ALDH4A1: variants seen among roughly 807,000 people sequenced by gnomAD.
The protein encoded by ALDH4A1 is aldehyde dehydrogenase 4 family member A1.
ALDH4A1 carries 46 observed loss-of-function variants against 70.5 expected under a neutral mutation model. That is an observed-to-expected ratio of 0.65 (90% CI 0.51 to 0.83). The LOEUF (loss-of-function observed/expected upper bound fraction) is 0.83. Among genes scored for constraint, ALDH4A1 ranks in the 40% least tolerant of loss-of-function variants. ALDH4A1 has a pLI of 0.00. For synonymous variants in ALDH4A1, 323 were observed against 324.3 expected (o/e 1.00, Z 0.04); for missense variants, 749 against 766.5 (o/e 0.98, Z 0.27).
chr1:18,881,258 C>T (rs1557615776), intron 8 of ALDH4A1, among the ~76,000 whole-genome samples: 2 of 152,162 alleles, frequency 1.3e-5, no homozygotes, highest in African/African-American at 4.8e-5. Flanking sequence ...GCTATTCCCT[C>T]TCCCAACATA....
At chr1:18,889,623 C>T (rs978560308) in intron 2 of ALDH4A1, among the ~76,000 whole-genome samples, 169 bp from the exon 3 acceptor site, 1 of 152,168 alleles carries the variant, frequency 6.6e-6, no homozygotes, top group Non-Finnish European at 1.5e-5. Flanking sequence ...CGGGGACAGC[C>T]GGACTCTGCT....
intron 1 of ALDH4A1, among the ~76,000 whole-genome samples, chr1:18,901,294 T>C (rs1490920040): frequency 1.3e-5 from 2 of 152,172 alleles, no homozygotes; most frequent in Non-Finnish European, 2.9e-5. Flanking sequence ...CACAGCAGTG[T>C]TGCAACTCAC....
chr1:18,874,102 G>A (rs948462765), intron 14 of ALDH4A1, among the ~76,000 whole-genome samples: 11 of 152,188 alleles, frequency 7.2e-5, no homozygotes, highest in African/African-American at 2.2e-4. Context: ...TGCCACTCAG[G>A]AGCAGTCACC....
chr1:18,892,249 C>T (rs1935462261), intron 1 of ALDH4A1, among the ~76,000 whole-genome samples: 1 of 152,036 alleles, frequency 6.6e-6, no homozygotes, highest in Admixed American at 6.5e-5. Context: ...TGTGGCCAGG[C>T]CCTGTGTTCA....
intron 1 of ALDH4A1, among the ~76,000 whole-genome samples, chr1:18,892,672 C>T (rs990203810): frequency 1.3e-5 from 2 of 151,640 alleles, no homozygotes; most frequent in Non-Finnish European, 1.5e-5. Context: ...CACTCCCCTC[C>T]CCTCCCCACC....
chr1:18,901,444 G>T (rs1376599853), intron 1 of ALDH4A1, among the ~76,000 whole-genome samples: 1 of 152,142 alleles, frequency 6.6e-6, no homozygotes, highest in Non-Finnish European at 1.5e-5. Context: ...AAATGGGAGG[G>T]GGGGCTGATC....
Position 18,881,886 on chromosome 1 carries a change from C to T in ALDH4A1, c.680G>A (p.Gly227Asp). 6.2e-7 allele frequency: 1 copy of T among 1,613,086 alleles called. No homozygotes were observed. Among genetic ancestry groups the T allele is most frequent in the Non-Finnish European group, 8.5e-7 (1 of 1,179,958 alleles). ...ACTGGGCTTCCATAGGACCACGTTGCCCTGCCCGGGAGGTGTTTCAGTGAT... is the reference window on the plus strand; with the variant it reads ...ACTGGGCTTCCATAGGACCACGTTGTCCTGCCCGGGAGGTGTTTCAGTGAT... ...GNLAGAPALM[G>D]NVVLWKPSDT... The change falls in exon 8 of 15, where the codon GGC becomes GAC. Residue 227 changes from glycine to aspartate, a missense_variant and splice_region_variant. Gly to Asp is a moderately conservative substitution (Grantham distance 94). Coordinates refer to ENST00000375341, the MANE Select transcript of ALDH4A1 (RefSeq NM_003748.4).
intron 1 of ALDH4A1, among the ~76,000 whole-genome samples, chr1:18,902,248 G>A (rs1199428646): frequency 6.6e-6 from 1 of 152,168 alleles, no homozygotes; most frequent in Non-Finnish European, 1.5e-5. Flanking sequence ...CCTCGCTAAA[G>A]GAAGGTGACT....
chr1:18,882,227 C>T (rs74774708), intron 7 of ALDH4A1, among the ~76,000 whole-genome samples: 2,525 of 152,292 alleles, frequency 0.017, 80 homozygotes, highest in African/African-American at 0.056. Context: ...CAAGTACACA[C>T]GGGCTCTCTC....
chr1:18,879,161 C>T, intron 9 of ALDH4A1, 139 bp downstream of exon 9: 1 of 804,518 alleles, frequency 1.2e-6, no homozygotes, highest in Non-Finnish European at 2.1e-6. Context: ...ACAAAAAGTT[C>T]TACTGGGCAG....
chr1:18,881,434 G>A (rs1202402718), intron 8 of ALDH4A1, among the ~76,000 whole-genome samples: 4 of 152,258 alleles, frequency 2.6e-5, no homozygotes, highest in East Asian at 1.9e-4. Context: ...GCTGTAGGGT[G>A]CACTTCCAGT....
chr1:18,877,333 GC>G lies in ALDH4A1; in HGVS notation c.1138-79del, dbSNP rs1336269729. On this transcript the variant is annotated intron_variant, in intron 10 of 14. Transcript: ENST00000375341. The stretch of plus-strand genomic sequence containing the variant: ...GGGAGACCCCTCCCCGCACACCCCA[GC>G]CCCGGCTGCAGAGGAGCCTCCCAGG... 11 of 1,555,384 alleles carry G rather than the reference GC, an allele frequency of 7.1e-6. No individual in the cohort carries two copies. In the African/African-American group the frequency reaches 9.6e-5, roughly 14 times the overall value.
intron 7 of ALDH4A1, among the ~76,000 whole-genome samples, chr1:18,882,889 T>C (rs1274220878): frequency 2.6e-5 from 4 of 152,232 alleles, no homozygotes; most frequent in Admixed American, 1.3e-4. Flanking sequence ...ATGAGGAAAC[T>C]GTGCCTCAGA....
rs367612554 is a variant in ALDH4A1 at position 18,874,452 on chromosome 1, G to A, written c.1579+11C>T. On this transcript the variant is annotated intron_variant, in intron 14 of 14. Transcript: ENST00000375341. ...AACTCAGCTCCCCTGTGGGAAGGGG[G>A]ACCCACTCACCAGAGGCTCGGGCCC... 3.7e-5 allele frequency: 59 copies of A among 1,612,622 alleles called. No individual in the cohort carries two copies. In the African/African-American group the frequency reaches 7.3e-4, roughly 20 times the overall value.
chr1:18,902,535 A>G lies in ALDH4A1; in HGVS notation c.-12T>C, dbSNP rs1935838720. 7 of 1,486,602 alleles carry G rather than the reference A, an allele frequency of 4.7e-6. No individual in the cohort carries two copies. The highest frequency in any genetic ancestry group is 6.3e-6 in the Non-Finnish European group (7 of 1,119,042). 92.1% of individuals were successfully genotyped at this position (1,486,602 alleles called of 1,614,324 possible). A position where few individuals can be genotyped will look rare whatever the true frequency, so the allele number is the denominator to read the frequency against. ...GCCGGCAGCAGCATCTCGGGTTAGA[A>G]GCGGGGCTGTTCGCTGGATCGTCCG... On this transcript the variant is annotated 5_prime_UTR_variant, in exon 1 of 15. Transcript: ENST00000375341.
rs201961228 is a variant in ALDH4A1, at chr1:18,874,607, A to C, written c.1461-26T>G. 268 of 1,610,364 alleles carry C rather than the reference A, an allele frequency of 1.7e-4. 1 individual carries two copies. The highest frequency in any genetic ancestry group is 2.0e-4 in the Non-Finnish European group (237 of 1,176,742). On this transcript the variant is annotated intron_variant, in intron 13 of 14. Transcript: ENST00000375341. Reference sequence around the variant, plus strand: ...CTACAAAGCAGAGCAGTGGTGACAGAGCAACCAGCTCATCTCCCCTCCAGC... The same window carrying C: ...CTACAAAGCAGAGCAGTGGTGACAGCGCAACCAGCTCATCTCCCCTCCAGC...
Position 18,890,203 on chromosome 1 carries a change from C to T in ALDH4A1, c.63-98G>A, listed in dbSNP as rs577462693. On this transcript the variant is annotated intron_variant, in intron 1 of 14. Transcript: ENST00000375341. ...CCTCCGACAGGGGGTCCTAGGTGGG[C>T]ACCCAGAGCCTGAAATCCAATGCAA... 669 of 1,007,522 alleles carry T rather than the reference C, an allele frequency of 6.6e-4. 4 individuals carry two copies. In the African/African-American group the frequency reaches 9.8e-3, roughly 15 times the overall value. 62.4% of individuals were successfully genotyped at this position (1,007,522 alleles called of 1,614,324 possible).
In ALDH4A1 at chr1:18,877,248, T is replaced by C; in HGVS notation, c.1145A>G (p.Glu382Gly). Residue 382 changes from glutamate to glycine, a missense_variant, in exon 11 of 15, where the codon GAG becomes GGG. By Grantham distance (98) the Glu-to-Gly change is moderately conservative (BLOSUM62 -2). Transcript: ENST00000375341. ...TGCAGAGAAGAAGGTCCCAAAATCC[T>C]CTGCAGGCTGGAGGCAAGGGAGGCG... Reference protein sequence around the residue: ...HSRIKVGDPAEDFGTFFSAVI... With the variant: ...HSRIKVGDPAGDFGTFFSAVI... 6.2e-7 allele frequency: 1 copy of C among 1,606,422 alleles called. No individual in the cohort carries two copies. The highest frequency in any genetic ancestry group is 8.5e-7 in the Non-Finnish European group (1 of 1,176,246).
chr1:18,900,044 A>G (rs896894268), intron 1 of ALDH4A1, among the ~76,000 whole-genome samples: 4 of 152,224 alleles, frequency 2.6e-5, no homozygotes, highest in South Asian at 2.1e-4. Context: ...GTTAAAGGAC[A>G]TGAATCAAAA....
Sources: gnomAD v4.1 joint callset for allele counts (sites outside exome capture counted in the v4.1 genomes callset) on GRCh38, gnomAD v4.1.1 for gene constraint, MANE v1.5 for transcripts, NCBI Gene and HGNC (gene_info 2026-07-23, HGNC 2026-07-21) for gene names.